CXCL9: variants seen among roughly 807,000 people sequenced by gnomAD.
CXCL9 encodes C-X-C motif chemokine 9.
CXCL9 carries 8 observed loss-of-function variants against 11.7 expected under a neutral mutation model. The ratio of observed to expected loss-of-function variants is 0.68; its 90% confidence interval spans 0.40 to 1.23. The LOEUF (loss-of-function observed/expected upper bound fraction) is 1.23, where lower values mean the gene tolerates loss of function less well. CXCL9 is among the 50% of genes most tolerant of loss of function. The pLI is 0.01. For synonymous variants in CXCL9, 43 were observed against 48.2 expected, an observed-to-expected ratio of 0.89 and a Z score of 0.45; for missense variants, 133 against 141.7, an observed-to-expected ratio of 0.94 and a Z score of 0.31.
chr4:76,004,694 A>G (rs1469104243), intron 3 of CXCL9, 115 bp downstream of exon 3: 2 of 1,359,588 alleles, frequency 1.5e-6, no homozygotes, highest in African/African-American at 3.0e-5. Flanking sequence ...AATATGAATG[A>G]AAAATGTATT....
rs1266955831 is a variant in CXCL9 at position 76,006,202 on chromosome 4, A to T, written c.137T>A (p.Leu46Ter). 3.1e-6 allele frequency: 5 copies of T among 1,613,798 alleles called. No individual in the cohort carries two copies. In the Admixed American group the frequency reaches 8.3e-5, roughly 27 times the overall value. ...TGGGGCAAATTGTTTAAGGTCTTTC[A>T]AGGATTGTAGGTGGATAGTCCCTTG... ...TNQGTIHLQS[L>*]KDLKQFAPSP... The change falls in exon 2 of 4, where the codon TTG (leucine) becomes TAG (stop). Residue 46 changes from leucine to a stop codon, truncating the protein, a stop_gained. Coordinates refer to ENST00000264888, the MANE Select transcript of CXCL9 (RefSeq NM_002416.3). LOFTEE classifies it high-confidence loss of function.
In CXCL9 at chr4:76,002,188, C is replaced by T. The variant is rs1027887545; in HGVS notation, c.*1410G>A. 3.3e-5 allele frequency: 13 copies of T among 397,136 alleles called. No individual in the cohort carries two copies. Among genetic ancestry groups the T allele is most frequent in the Non-Finnish European group, 4.9e-5 (11 of 225,562 alleles). The allele number at this position is 397,136 out of a possible 1,614,324, so 24.6% of individuals were successfully genotyped here. ...GCTTATTGAGAAAGCCCTTTTCCTTCGGGAAAAGGAATTTTTGTATGGTTG... is the reference window on the plus strand; with the variant it reads ...GCTTATTGAGAAAGCCCTTTTCCTTTGGGAAAAGGAATTTTTGTATGGTTG... On this transcript the variant is annotated 3_prime_UTR_variant, in exon 4 of 4. Transcript: ENST00000264888.
chr4:76,002,465 G>A lies in CXCL9; in HGVS notation c.*1133C>T. ...GTTACCAGAGGCTAGCCAACATGGA[G>A]TAGCCAGGAAAGAGCCAGCACCTGC... On this transcript the variant is annotated 3_prime_UTR_variant, in exon 4 of 4. Coordinates refer to ENST00000264888, the MANE Select transcript of CXCL9 (RefSeq NM_002416.3). 2.5e-6 allele frequency: 1 copy of A among 397,918 alleles called. No individual in the cohort carries two copies. The highest frequency in any genetic ancestry group is 4.4e-6 in the Non-Finnish European group (1 of 225,762). The allele number at this position is 397,918 out of a possible 1,614,324, so 24.6% of individuals were successfully genotyped here.
chr4:76,005,072 G>T, intron 2 of CXCL9, 179 bp from the exon 3 acceptor site: 1 of 1,023,872 alleles, frequency 9.8e-7, no homozygotes, highest in Non-Finnish European at 1.3e-6. Flanking sequence ...TTTTGAGACA[G>T]AATTTCGCTC....
Position 76,006,169 on chromosome 4 carries a change from G to A in CXCL9, c.170C>T (p.Ser57Phe), listed in dbSNP as rs1304110099. 6.2e-7 allele frequency: 1 copy of A among 1,613,554 alleles called. No homozygotes were observed. The part of the protein sequence containing the change: ...KDLKQFAPSP[S>F]CEKIEIIATL... ...TTACATGATTTCAATTTTCTCGCAG[G>A]AAGGGCTTGGGGCAAATTGTTTAAG... The change falls in exon 2 of 4, where the codon TCC becomes TTC. Residue 57 changes from serine to phenylalanine, a missense_variant. Coordinates refer to ENST00000264888, the MANE Select transcript of CXCL9 (RefSeq NM_002416.3).
rs1224278485 is a variant in CXCL9, at chr4:76,002,477, G to A, written c.*1121C>T. 1 of 397,512 alleles carries A rather than the reference G, an allele frequency of 2.5e-6. No individual in the cohort carries two copies. Among genetic ancestry groups the A allele is most frequent in the East Asian group, 3.6e-5 (1 of 28,072 alleles). 24.6% of individuals were successfully genotyped at this position (397,512 alleles called of 1,614,324 possible). A position where few individuals can be genotyped will look rare whatever the true frequency, so the allele number is the denominator to read the frequency against. On this transcript the variant is annotated 3_prime_UTR_variant, in exon 4 of 4. Coordinates refer to ENST00000264888, the MANE Select transcript of CXCL9 (RefSeq NM_002416.3). ...TAGCCAACATGGAGTAGCCAGGAAA[G>A]AGCCAGCACCTGCTCTGAGACAATG...
At position 76,003,618 on chromosome 4, in the gene CXCL9, G is replaced by A. The variant is rs1375851280; in HGVS notation, c.358C>T (p.Arg120Cys). 12 of 1,602,774 alleles carry A rather than the reference G, an allele frequency of 7.5e-6. No homozygotes were observed. In the African/African-American group the frequency reaches 1.3e-4, roughly 18 times the overall value. Residue 120 changes from arginine (R) to cysteine (C), a missense_variant, in exon 4 of 4, where the codon CGT (arginine) becomes TGT (cysteine). Transcript: ENST00000264888. ...GTCTCTTATGTAGTCTTCTTTTGACGAGAACGTTGAGATTTTCGAACTTTC... is the reference window on the plus strand; with the variant it reads ...GTCTCTTATGTAGTCTTCTTTTGACAAGAACGTTGAGATTTTCGAACTTTC... ...VLKVRKSQRS[R>C]QKKTT
In CXCL9 at chr4:76,004,896, G is replaced by A; in HGVS notation, c.192-3C>T. 6.5e-7 allele frequency: 1 copy of A among 1,547,876 alleles called. No individual in the cohort carries two copies. The highest frequency in any genetic ancestry group is 2.0e-5 in the Admixed American group (1 of 49,980). ...GAACTCCATTCTTCAGTGTAGCACT[G>A]CCAAAGAAATAGCAATGAGATAGTT... On this transcript the variant is annotated splice_polypyrimidine_tract_variant and splice_region_variant and intron_variant, in intron 2 of 3. Transcript: ENST00000264888.
chr4:76,006,550 A>G (rs1323022057), intron 1 of CXCL9, among the ~76,000 whole-genome samples: 1 of 152,220 alleles, frequency 6.6e-6, no homozygotes, highest in East Asian at 1.9e-4. Flanking sequence ...GTTGCTCTTA[A>G]CTACCACACC....
chr4:76,004,809 C>T lies in CXCL9; in HGVS notation c.276G>A (p.Gln92=), dbSNP rs1320181571. The change falls in exon 3 of 4, where the codon CAG becomes CAA. Residue 92 remains glutamine (Q), a splice_region_variant and synonymous_variant. Transcript: ENST00000264888. The part of the protein sequence containing the change: ...VKELIKKWEK[Q]VSQKKKQKNG... ...AATTTTGATCTTCCTTTTCACCAAC[C>T]TGTTTCTCCCACTTTTTAATCAGTT... The T allele has an allele frequency of 6.3e-7, 1 of 1,590,678 alleles. No homozygotes were observed. The highest frequency in any genetic ancestry group is 1.8e-5 in the Admixed American group (1 of 54,114).
At chr4:76,005,524 AT>A (rs1731568201) in intron 2 of CXCL9, 1 of 152,306 alleles carries the variant, frequency 6.6e-6, no homozygotes, top group African/African-American at 2.4e-5. Context: ...TACAGACACA[AT>A]ACTGCCACAG....
At chr4:76,004,013 G>A (rs535219033) in intron 3 of CXCL9, among the ~76,000 whole-genome samples, 1 of 152,170 alleles carries the variant, frequency 6.6e-6, no homozygotes, top group Non-Finnish European at 1.5e-5. Context: ...GTTTTACATA[G>A]GAGGAGGCTG....
chr4:76,006,669 A>C (rs577517452), intron 1 of CXCL9, among the ~76,000 whole-genome samples: 1 of 152,322 alleles, frequency 6.6e-6, no homozygotes, highest in East Asian at 1.9e-4. Context: ...TTTCTTAAGC[A>C]ACTCCTAAAC....
chr4:76,004,956 A>G, intron 2 of CXCL9, 63 bp from the exon 3 acceptor site: 1 of 1,475,454 alleles, frequency 6.8e-7, no homozygotes, highest in African/African-American at 1.4e-5. Flanking sequence ...TTCTTCTCAG[A>G]AATAATGAAA....
Position 76,002,198 on chromosome 4 carries a change from A to G in CXCL9, c.*1400T>C, listed in dbSNP as rs759893960. 2.3e-4 allele frequency: 90 copies of G among 397,660 alleles called. No homozygotes were observed. The highest frequency in any genetic ancestry group is 3.6e-4 in the Non-Finnish European group (82 of 225,658). The allele number at this position is 397,660 out of a possible 1,614,324, so 24.6% of individuals were successfully genotyped here. A position where few individuals can be genotyped will look rare whatever the true frequency, so the allele number is the denominator to read the frequency against. ...AAAGCCCTTTTCCTTCGGGAAAAGG[A>G]ATTTTTGTATGGTTGGGAAAAGGTT... On this transcript the variant is annotated 3_prime_UTR_variant, in exon 4 of 4. Coordinates refer to ENST00000264888, the MANE Select transcript of CXCL9 (RefSeq NM_002416.3).
intron 3 of CXCL9, among the ~76,000 whole-genome samples, chr4:76,004,037 G>A (rs1271159483): frequency 1.3e-5 from 2 of 152,158 alleles, no homozygotes; most frequent in African/African-American, 4.8e-5. Flanking sequence ...TCTGGAGAGG[G>A]TGACTTTCCC....
At position 76,001,619 on chromosome 4, in the gene CXCL9, A is replaced by G. The variant is rs1731466059; in HGVS notation, c.*1979T>C. On this transcript the variant is annotated 3_prime_UTR_variant, in exon 4 of 4. Transcript: ENST00000264888. ...ATGTATATATATGATAAATGATTAT[A>G]ACGTGTGTGTCAGTGACAATATGTA... 6.6e-6 allele frequency: 1 copy of G among 152,244 alleles called. No individual in the cohort carries two copies. Among genetic ancestry groups the G allele is most frequent in the East Asian group, 1.9e-4 (1 of 5,200 alleles). The allele number at this position is 152,244 out of a possible 1,614,324, so 9.4% of individuals were successfully genotyped here. A position where few individuals can be genotyped will look rare whatever the true frequency, so the allele number is the denominator to read the frequency against.
chr4:76,006,568 C>T (rs986585997), intron 1 of CXCL9, among the ~76,000 whole-genome samples: 1 of 152,126 alleles, frequency 6.6e-6, no homozygotes, highest in Non-Finnish European at 1.5e-5. Flanking sequence ...ACCGTAAGTC[C>T]GTGGGAGAAA....
Position 76,004,904 on chromosome 4 carries a change from A to C in CXCL9, c.192-11T>G, listed in dbSNP as rs1174349865. 9.8e-6 allele frequency: 15 copies of C among 1,534,806 alleles called. No individual in the cohort carries two copies. The highest frequency in any genetic ancestry group is 1.3e-5 in the Non-Finnish European group (15 of 1,145,814). ...TTCTTCAGTGTAGCACTGCCAAAGA[A>C]ATAGCAATGAGATAGTTTTTTCTCA... On this transcript the variant is annotated splice_polypyrimidine_tract_variant and intron_variant, in intron 2 of 3. Coordinates refer to ENST00000264888, the MANE Select transcript of CXCL9 (RefSeq NM_002416.3).
Sources: allele counts gnomAD v4.1 joint callset (sites outside exome capture counted in the v4.1 genomes callset), GRCh38; gene constraint gnomAD v4.1.1; transcripts MANE v1.5; gene names NCBI Gene and HGNC (gene_info 2026-07-23, HGNC 2026-07-21).